The following NPRL3 variants were observed in gnomAD, a reference collection of about 807,000 sequenced individuals.
The protein encoded by NPRL3 is GATOR1 complex protein NPRL3.
In NPRL3, 23 loss-of-function variants were observed where a neutral mutation model predicts 57.2. The observed-to-expected ratio is 0.40, with a 90% CI of 0.29 to 0.57. The LOEUF (loss-of-function observed/expected upper bound fraction) is 0.57, where lower values mean the gene tolerates loss of function less well. Ranked by LOEUF, NPRL3 falls within the 20% of genes least tolerant of loss-of-function variation. The pLI, the probability that NPRL3 is intolerant of heterozygous loss-of-function variation, is 0.42. For missense variants in NPRL3, 691 were observed against 767.1 expected, an observed-to-expected ratio of 0.90 and a Z score of 1.17; for synonymous variants, 333 against 321.1, an observed-to-expected ratio of 1.04 and a Z score of -0.39.
intron 8 of NPRL3, among the ~76,000 whole-genome samples, chr16:100,032 G>A (rs1899209876): frequency 6.7e-6 from 1 of 150,218 alleles, no homozygotes; most frequent in Non-Finnish European, 1.5e-5. Flanking sequence ...AGTGCTGACT[G>A]AAATGCAAAA....
intron 11 of NPRL3, among the ~76,000 whole-genome samples, chr16:91,562 G>A (rs994113343): frequency 3.3e-5 from 5 of 152,128 alleles, no homozygotes; most frequent in African/African-American, 9.7e-5. Context: ...CCTAAGCACT[G>A]CCCCAAGAGC....
chr16:121,431 T>C (rs1029194647), intron 3 of NPRL3, among the ~76,000 whole-genome samples: 3 of 151,998 alleles, frequency 2.0e-5, no homozygotes, highest in Non-Finnish European at 4.4e-5. Context: ...GAGACCAGCA[T>C]GGCCAACATA....
intron 9 of NPRL3, among the ~76,000 whole-genome samples, chr16:97,399 C>T (rs1446882711): frequency 2.0e-5 from 3 of 150,278 alleles, no homozygotes; most frequent in African/African-American, 7.3e-5. Flanking sequence ...TGCACGCCAC[C>T]ACACCCAGCT....
At chr16:129,353 C>A (rs975187158) in intron 3 of NPRL3, among the ~76,000 whole-genome samples, 12 of 152,252 alleles carry the variant, frequency 7.9e-5, no homozygotes, top group African/African-American at 2.9e-4. Flanking sequence ...GTTCCACCAC[C>A]ACATTTAAAG....
intron 2 of NPRL3, among the ~76,000 whole-genome samples, chr16:137,449 C>T (rs1901151932): frequency 6.6e-6 from 1 of 152,166 alleles, no homozygotes; most frequent in Non-Finnish European, 1.5e-5. Context: ...GTGGATAGAT[C>T]TGCATCTATG....
At chr16:121,713 A>T (rs1900288570) in intron 3 of NPRL3, among the ~76,000 whole-genome samples, 1 of 152,148 alleles carries the variant, frequency 6.6e-6, no homozygotes. Flanking sequence ...TATCTGAGCA[A>T]ATCTGGCCCA....
rs575077040 is a variant in NPRL3, at chr16:86,450, G to A, written c.*255C>T. On this transcript the variant is annotated 3_prime_UTR_variant, in exon 14 of 14. Coordinates refer to ENST00000611875, the MANE Select transcript of NPRL3 (RefSeq NM_001077350.3). ...GAGTCCTGGCAGGCCCCCCTCCAGC[G>A]TGGAGATGCCTACGCGTGCGGCAAG... is the stretch of plus-strand genomic sequence containing the variant. 3.2e-5 allele frequency: 15 copies of A among 471,326 alleles called. No homozygotes were observed. The highest frequency in any genetic ancestry group is 5.8e-5 in the African/African-American group (3 of 52,036). 29.2% of individuals were successfully genotyped at this position (471,326 alleles called of 1,614,324 possible). A position where few individuals can be genotyped will look rare whatever the true frequency, so the allele number is the denominator to read the frequency against.
intron 7 of NPRL3, among the ~76,000 whole-genome samples, chr16:108,637 TTTTA>T (rs1467866808): frequency 2.1e-4 from 31 of 145,942 alleles, no homozygotes; most frequent in Admixed American, 5.6e-4. Flanking sequence ...ATTTTTTAAA[TTTTA>T]TTTATTTTTT....
intron 5 of NPRL3, among the ~76,000 whole-genome samples, chr16:116,033 A>G (rs1221779448): frequency 6.6e-6 from 1 of 152,196 alleles, no homozygotes; most frequent in East Asian, 1.9e-4. Flanking sequence ...GTTTTTCTTG[A>G]TAATACTCCT....
intron 2 of NPRL3, among the ~76,000 whole-genome samples, chr16:133,795 A>C (rs1448136747): frequency 6.6e-6 from 1 of 152,190 alleles, no homozygotes; most frequent in Non-Finnish European, 1.5e-5. Context: ...AATCATTTCT[A>C]GCTTTTGATT....
chr16:86,466 G>A lies in NPRL3; in HGVS notation c.*239C>T, dbSNP rs778964527. ...CCCTCCAGCGTGGAGATGCCTACGC[G>A]TGCGGCAAGGACTGGAGGGAAGCGT... On this transcript the variant is annotated 3_prime_UTR_variant, in exon 14 of 14. Transcript: ENST00000611875. 3.2e-5 allele frequency: 16 copies of A among 506,908 alleles called. No homozygotes were observed. Among genetic ancestry groups the A allele is most frequent in the African/African-American group, 3.8e-5 (2 of 52,490 alleles). The allele number at this position is 506,908 out of a possible 1,614,324, so 31.4% of individuals were successfully genotyped here.
rs528566515 is a variant in NPRL3, at chr16:85,701, C to G, written c.*1004G>C. 2.6e-6 allele frequency: 4 copies of G among 1,541,332 alleles called. No individual in the cohort carries two copies. Among genetic ancestry groups the G allele is most frequent in the Admixed American group, 3.9e-5 (2 of 51,698 alleles). Reference sequence around the variant, plus strand: ...CATGCAGGGGAGTGGGCCCGGAAACCCCTCCGCTTCTATGTCCGGGGCAGC... The same window carrying G: ...CATGCAGGGGAGTGGGCCCGGAAACGCCTCCGCTTCTATGTCCGGGGCAGC... On this transcript the variant is annotated 3_prime_UTR_variant, in exon 14 of 14. Coordinates refer to ENST00000611875, the MANE Select transcript of NPRL3 (RefSeq NM_001077350.3).
At chr16:113,416 T>C (rs1445561094) in intron 5 of NPRL3, among the ~76,000 whole-genome samples, 1 of 152,178 alleles carries the variant, frequency 6.6e-6, no homozygotes, top group Non-Finnish European at 1.5e-5. Flanking sequence ...CCCATATCTC[T>C]GCCCAAGAGC....
chr16:132,494 G>C (rs1168974692), intron 2 of NPRL3, among the ~76,000 whole-genome samples: 1 of 152,112 alleles, frequency 6.6e-6, no homozygotes, highest in African/African-American at 2.4e-5. Context: ...ATCCATGAGA[G>C]CTGGAATCAA....
chr16:108,109 C>G (rs577685351), intron 7 of NPRL3, among the ~76,000 whole-genome samples: 1 of 152,274 alleles, frequency 6.6e-6, no homozygotes, highest in South Asian at 2.1e-4. Flanking sequence ...TCTCTCACAC[C>G]TGGGGAGGCT....
At chr16:93,077 G>C (rs1359086881) in intron 10 of NPRL3, 142 bp downstream of exon 10, 4 of 670,994 alleles carry the variant, frequency 6.0e-6, no homozygotes, top group Non-Finnish European at 1.1e-5. Context: ...GTGGCCAGGA[G>C]TTAGGCTGAA....
chr16:105,762 G>C (rs1391386063), intron 7 of NPRL3, among the ~76,000 whole-genome samples: 1 of 152,242 alleles, frequency 6.6e-6, no homozygotes, highest in Non-Finnish European at 1.5e-5. Context: ...GCTGAGTGTA[G>C]GGGCTGTGTT....
Position 119,118 on chromosome 16 carries a change from A to C in NPRL3, c.318+8T>G, listed in dbSNP as rs370788298. 2.2e-4 allele frequency: 348 copies of C among 1,613,476 alleles called. 1 individual carries two copies. Among genetic ancestry groups the C allele is most frequent in the South Asian group, 1.9e-3 (176 of 90,992 alleles). ...GGGAGAGCCCCACCTGCCCAGGGAG[A>C]GCCATACCTGCCCCAGAGCATGCTG... is the stretch of plus-strand genomic sequence containing the variant. On this transcript the variant is annotated splice_region_variant and intron_variant, in intron 4 of 13. Coordinates refer to ENST00000611875, the MANE Select transcript of NPRL3 (RefSeq NM_001077350.3).
intron 2 of NPRL3, among the ~76,000 whole-genome samples, chr16:136,505 T>C (rs1040934063): frequency 5.3e-5 from 8 of 151,052 alleles, no homozygotes; most frequent in Admixed American, 2.0e-4. Flanking sequence ...CTGGCCAACA[T>C]GGTGAAACCC....
Sources: allele counts gnomAD v4.1 joint callset (sites outside exome capture counted in the v4.1 genomes callset), GRCh38; gene constraint gnomAD v4.1.1; transcripts MANE v1.5; gene names NCBI Gene and HGNC (gene_info 2026-07-23, HGNC 2026-07-21).